Variants in SMC1A observed in about 807,000 individuals in gnomAD.
SMC1A encodes structural maintenance of chromosomes protein 1A.
SMC1A carries 4 observed loss-of-function variants against 94.5 expected under a neutral mutation model. The ratio of observed to expected loss-of-function variants is 0.04; its 90% CI spans 0.02 to 0.10. The LOEUF (loss-of-function observed/expected upper bound fraction) is 0.10, where lower values mean the gene tolerates loss of function less well. SMC1A is among the 10% of genes least tolerant of loss of function. The pLI, the probability that SMC1A is intolerant of heterozygous loss-of-function variation, is 1.00. For synonymous variants in SMC1A, 345 were observed against 347.7 expected (o/e 0.99, Z 0.09); for missense variants, 304 against 989.0 (o/e 0.31, Z 9.29).
Position 53,410,229 on chromosome X carries a change from T to A in SMC1A, c.1255-726A>T, listed in dbSNP as rs988241965. ...TATGTGAGTGGCCGGGCACGGTGGC[T>A]CGCGCCTGTAATCCCAACACTTTGG... On this transcript the variant is annotated intron_variant, in intron 7 of 24. Transcript: ENST00000322213. 1.1e-4 allele frequency among the ~76,000 whole-genome samples: 12 copies of A among 111,629 alleles called. No homozygotes were observed. In the Admixed American group the frequency reaches 1.1e-3, roughly 11 times the overall value.
intron 19 of SMC1A, among the ~76,000 whole-genome samples, chrX:53,383,479 A>C (rs1377640292): frequency 8.9e-6 from 1 of 111,824 alleles, no homozygotes; most frequent in East Asian, 2.8e-4. Context: ...GCTGCTTTCT[A>C]ATCTCTAGCC....
At position 53,377,269 on chromosome X, in the gene SMC1A, CAT is replaced by C. The variant is rs1411928890; in HGVS notation, c.*2832_*2833del. 8.9e-6 allele frequency: 1 copy of C among 112,406 alleles called. No homozygotes were observed. Among genetic ancestry groups the C allele is most frequent in the African/African-American group, 3.2e-5 (1 of 30,883 alleles). 9.3% of individuals were successfully genotyped at this position (112,406 alleles called of 1,213,427 possible). The stretch of plus-strand genomic sequence containing the variant: ...AAGTCCCCAAAGCTCCTTTGTAGCA[CAT>C]GTGTTCCTGTGTGCCAGGGCCTTAG... On this transcript the variant is annotated 3_prime_UTR_variant, in exon 25 of 25. Transcript: ENST00000322213.
At chrX:53,422,233 CG>C (rs2075762040) in intron 1 of SMC1A, among the ~76,000 whole-genome samples, 1 of 111,787 alleles carries the variant, frequency 8.9e-6, no homozygotes, top group East Asian at 2.8e-4. Context: ...GGGAAGTAGG[CG>C]GGGTAACTGG....
chrX:53,405,499 G>A lies in SMC1A; in HGVS notation c.1905C>T (p.Arg635=). 6 of 1,212,207 alleles carry A rather than the reference G, an allele frequency of 4.9e-6. No individual in the cohort carries two copies. The highest frequency in any genetic ancestry group is 1.8e-5 in the South Asian group (1 of 57,026). The change falls in exon 11 of 25, where the codon CGC becomes CGT. Residue 635 remains arginine (R), a synonymous_variant. Transcript: ENST00000322213. ...ARRIAFGGHQ[R]HKTVALDGTL... is the part of the protein sequence containing the mutation. ...TGGGCAAGGGAATCCACACCTTGTG[G>A]CGCTGGTGGCCTCCAAAGGCAATGC...
At chrX:53,402,089 A>T (rs2075672456) in intron 15 of SMC1A, among the ~76,000 whole-genome samples, 1 of 111,178 alleles carries the variant, frequency 9.0e-6, no homozygotes, top group African/African-American at 3.3e-5. Flanking sequence ...CCTCAAATTG[A>T]TGTTTCCCCC....
chrX:53,421,999 G>A (rs782660176), intron 1 of SMC1A: 26 of 1,208,489 alleles, frequency 2.2e-5, no homozygotes, highest in Middle Eastern at 4.6e-4. Context: ...AGAGTAGAAA[G>A]GAGTTGGAGT....
chrX:53,419,661 T>C (rs1556891783), intron 1 of SMC1A, among the ~76,000 whole-genome samples: 1 of 108,564 alleles, frequency 9.2e-6, no homozygotes, highest in Non-Finnish European at 1.9e-5. Flanking sequence ...CCGTCTCTAC[T>C]AAAAATACAA....
intron 7 of SMC1A, 38 bp from the exon 8 acceptor site, chrX:53,409,541 G>A (rs782817499): frequency 6.4e-5 from 70 of 1,094,681 alleles, no homozygotes; most frequent in Non-Finnish European, 8.7e-5. Flanking sequence ...GGCTGCACGA[G>A]TTTACGCCAA....
intron 14 of SMC1A, 27 bp from the exon 15 acceptor site, chrX:53,403,699 C>A (rs370005037): frequency 8.4e-7 from 1 of 1,187,644 alleles, no homozygotes; most frequent in Non-Finnish European, 1.1e-6. Flanking sequence ...GGGAGGGCAT[C>A]GGCCCTTTTA....
rs782053766 is a variant in SMC1A, at chrX:53,422,606, C to T, written c.-6G>A. The T allele has an allele frequency of 1.9e-5, 22 of 1,146,825 alleles. No individual in the cohort carries two copies. Among genetic ancestry groups the T allele is most frequent in the Non-Finnish European group, 4.8e-6 (4 of 837,896 alleles). The allele number at this position is 1,146,825 out of a possible 1,213,427, so 94.5% of individuals were successfully genotyped here. A position where few individuals can be genotyped will look rare whatever the true frequency, so the allele number is the denominator to read the frequency against. ...ATCAGTTTCAGGAACCCCATGACGGCCGCGGCGCCGGCGGCAGTAGGACAG... is the reference window on the plus strand; with the variant it reads ...ATCAGTTTCAGGAACCCCATGACGGTCGCGGCGCCGGCGGCAGTAGGACAG... On this transcript the variant is annotated 5_prime_UTR_variant, in exon 1 of 25. Coordinates refer to ENST00000322213, the MANE Select transcript of SMC1A (RefSeq NM_006306.4).
intron 19 of SMC1A, among the ~76,000 whole-genome samples, chrX:53,385,192 T>A (rs1433397706): frequency 1.8e-5 from 2 of 108,811 alleles, no homozygotes; most frequent in African/African-American, 6.7e-5. Flanking sequence ...CATAAACTTA[T>A]GTACATTTTA....
chrX:53,383,385 C>T (rs1234168861), intron 19 of SMC1A, 132 bp from the exon 20 acceptor site: 11 of 576,034 alleles, frequency 1.9e-5, no homozygotes, highest in Admixed American at 6.1e-5. Flanking sequence ...TTCTCCAGCT[C>T]GGTTCCTTCC....
At chrX:53,417,756 G>C (rs1390052544) in intron 1 of SMC1A, among the ~76,000 whole-genome samples, 4 of 111,373 alleles carry the variant, frequency 3.6e-5, no homozygotes, top group Non-Finnish European at 7.5e-5. Flanking sequence ...ACTGAATAGT[G>C]GTAGTACAGG....
In SMC1A at chrX:53,396,220, T is replaced by C. The variant is rs782036737; in HGVS notation, c.2862+7A>G. The C allele has an allele frequency of 4.1e-6, 5 of 1,209,905 alleles. No homozygotes were observed. The highest frequency in any genetic ancestry group is 5.6e-6 in the Non-Finnish European group (5 of 894,854). On this transcript the variant is annotated splice_region_variant and intron_variant, in intron 18 of 24. Transcript: ENST00000322213. Reference sequence around the variant, plus strand: ...CGCCCACTCCCACCACCAGCCACAATACTCACCTCTTCCTGACTAATATCA... The same window carrying C: ...CGCCCACTCCCACCACCAGCCACAACACTCACCTCTTCCTGACTAATATCA...
intron 1 of SMC1A, chrX:53,421,863 T>C (rs781952213): frequency 1.7e-6 from 2 of 1,159,047 alleles, no homozygotes; most frequent in Non-Finnish European, 2.3e-6. Flanking sequence ...ACGGTTTCGG[T>C]GGTAGGAAAA....
At position 53,409,199 on chromosome X, in the gene SMC1A, T is replaced by C. The variant is rs782521146; in HGVS notation, c.1408A>G (p.Ile470Val). 2.1e-5 allele frequency: 26 copies of C among 1,209,582 alleles called. No homozygotes were observed. The highest frequency in any genetic ancestry group is 2.9e-5 in the Non-Finnish European group (26 of 895,078). The change falls in exon 9 of 25, where the codon ATT becomes GTT. Residue 470 changes from isoleucine to valine, a missense_variant. Ile to Val is a conservative substitution (Grantham distance 29). Around this residue, in one of 11 missense-constraint regions of SMC1A, gnomAD observed 120 missense variants for 314.9 expected, o/e 0.38. Transcript: ENST00000322213. ...TEEVEMAKRR[I>V]DEINKELNQV... Reference sequence around the variant, plus strand: ...TTCAGCTCCTTATTGATTTCATCAATACGCCGCTTGGCCATCTCCACCTCC... The same window carrying C: ...TTCAGCTCCTTATTGATTTCATCAACACGCCGCTTGGCCATCTCCACCTCC...
At chrX:53,402,868 C>A (rs1162287040) in intron 15 of SMC1A, among the ~76,000 whole-genome samples, 16 of 10,081 alleles carry the variant, frequency 1.6e-3, no homozygotes, top group African/African-American at 4.5e-3. Context: ...GACTCTGTCT[C>A]AAAAAAAAAA....
At chrX:53,415,311 C>A in intron 1 of SMC1A, 142 bp from the exon 2 acceptor site, 1 of 529,392 alleles carries the variant, frequency 1.9e-6, no homozygotes, top group Non-Finnish European at 3.2e-6. Context: ...TCCTCTGTCC[C>A]CATAAAGACT....
At chrX:53,416,379 G>A (rs367839861) in intron 1 of SMC1A, among the ~76,000 whole-genome samples, 1 of 107,273 alleles carries the variant, frequency 9.3e-6, no homozygotes, top group Non-Finnish European at 1.9e-5. Context: ...AGGCTGGGAG[G>A]AGGGGAAAAT....
Sources: gnomAD v4.1 joint callset for allele counts (sites outside exome capture counted in the v4.1 genomes callset) on GRCh38, gnomAD v4.1.1 for gene constraint, gnomAD v4.1.1 regional missense constraint, MANE v1.5 for transcripts, NCBI Gene and HGNC (gene_info 2026-07-23, HGNC 2026-07-21) for gene names.